OR6K2: variants seen among roughly 807,000 people sequenced by gnomAD.
OR6K2 encodes olfactory receptor 6K2.
For synonymous variants in OR6K2, 139 were observed against 143.8 expected (o/e 0.97, Z 0.24); for missense variants, 450 against 402.5 (o/e 1.12, Z -1.01).
Position 158,699,946 on chromosome 1 carries a change from C to T in OR6K2, c.707G>A (p.Arg236His), listed in dbSNP as rs532035184. ...ILRIHSAGGRRTAFSTCVSHF... is the reference protein window; with the variant it reads ...ILRIHSAGGRHTAFSTCVSHF... ...AGAGACACACGTGGAAAATGCTGTGCGGCGGCCTCCAGCTGAATGAATACG... is the reference window on the plus strand; with the variant it reads ...AGAGACACACGTGGAAAATGCTGTGTGGCGGCCTCCAGCTGAATGAATACG... Residue 236 changes from arginine to histidine, a missense_variant, in exon 1 of 1, where the codon CGC becomes CAC. Transcript: ENST00000359610. 37 of 1,613,960 alleles carry T rather than the reference C, an allele frequency of 2.3e-5. No homozygotes were observed. Among genetic ancestry groups the T allele is most frequent in the Middle Eastern group, 1.6e-4 (1 of 6,084 alleles).
chr1:158,699,843 G>C lies in OR6K2; in HGVS notation c.810C>G (p.Phe270Leu). The change falls in exon 1 of 1, where the codon TTC becomes TTG. Residue 270 changes from phenylalanine (F) to leucine (L), a missense_variant. Coordinates refer to ENST00000359610, the MANE Select transcript of OR6K2 (RefSeq NM_001005279.3). ...AGGCCAGAGCAATGGCTATATCCCA[G>C]AACAAAGAGTAGGTGGCAGAGAAGC... is the stretch of plus-strand genomic sequence containing the variant. ...YLRFSATYSL[F>L]WDIAIALAFA... is the part of the protein sequence containing the mutation. 6.2e-7 allele frequency: 1 copy of C among 1,614,134 alleles called. No individual in the cohort carries two copies. The highest frequency in any genetic ancestry group is 8.5e-7 in the Non-Finnish European group (1 of 1,180,022).
In OR6K2 at chr1:158,700,206, A is replaced by G; in HGVS notation, c.447T>C (p.Val149=). 6.2e-7 allele frequency: 1 copy of G among 1,614,040 alleles called. No individual in the cohort carries two copies. The highest frequency in any genetic ancestry group is 8.5e-7 in the Non-Finnish European group (1 of 1,179,970). The change falls in exon 1 of 1, where the codon GTT becomes GTC. Residue 149 remains valine (V), a synonymous_variant. Transcript: ENST00000359610. ...LCTQLTLSCC[V]CGFITPLPEI... ...CAGGAAGGGGTGTGATAAAGCCACA[A>G]ACACAGCAACTTAAAGTCAGTTGGG...
At position 158,700,137 on chromosome 1, in the gene OR6K2, G is replaced by T. The variant is rs182757577; in HGVS notation, c.516C>A (p.His172Gln). The T allele has an allele frequency of 1.2e-6, 2 of 1,614,126 alleles. No individual in the cohort carries two copies. Among genetic ancestry groups the T allele is most frequent in the East Asian group, 4.5e-5 (2 of 44,890 alleles). The change falls in exon 1 of 1, where the codon CAC becomes CAA. Residue 172 changes from histidine to glutamine, a missense_variant. His to Gln is a conservative substitution (Grantham distance 24). Transcript: ENST00000359610. The part of the protein sequence containing the change: ...ISTLPFCGSN[H>Q]LEHIFCDFLP... ...GGAAGTCACAGAAGATATGTTCAAGGTGATTCGAACCACAAAATGGCAGTG... is the reference window on the plus strand; with the variant it reads ...GGAAGTCACAGAAGATATGTTCAAGTTGATTCGAACCACAAAATGGCAGTG...
Position 158,700,489 on chromosome 1 carries a change from A to T in OR6K2, c.164T>A (p.Leu55His). The part of the protein sequence containing the change: ...IITVVQLNTH[L>H]HTPMYTFISA... ...GATAAAAGTATACATGGGAGTGTGG[A>T]GGTGAGTATTCAACTGGACCACTGT... Residue 55 changes from leucine (L) to histidine (H), a missense_variant, in exon 1 of 1, where the codon CTC (leucine) becomes CAC (histidine). Physicochemically the swap from Leu to His is moderately conservative, Grantham distance 99 (BLOSUM62 -3). Coordinates refer to ENST00000359610, the MANE Select transcript of OR6K2 (RefSeq NM_001005279.3). 6.2e-7 allele frequency: 1 copy of T among 1,614,136 alleles called. No individual in the cohort carries two copies.
chr1:158,699,755 C>A lies in OR6K2; in HGVS notation c.898G>T (p.Glu300Ter), dbSNP rs1366231424. ...IYSLRNKEIK[E>*]AIKKHIGQAK... The stretch of plus-strand genomic sequence containing the variant: ...TGACCTATGTGCTTTTTTATAGCTT[C>A]TTTTATTTCTTTATTCCTCAGGCTA... The change falls in exon 1 of 1, where the codon GAA becomes TAA. Residue 300 changes from glutamate to a stop codon, truncating the protein, a stop_gained. Transcript: ENST00000359610. LOFTEE classifies it low-confidence loss of function (END_TRUNC). The A allele has an allele frequency of 1.2e-6, 2 of 1,613,692 alleles. No individual in the cohort carries two copies. Among genetic ancestry groups the A allele is most frequent in the Non-Finnish European group, 1.7e-6 (2 of 1,179,854 alleles).
At position 158,699,838 on chromosome 1, in the gene OR6K2, T is replaced by C; in HGVS notation, c.815A>G (p.Asp272Gly). 6.2e-7 allele frequency: 1 copy of C among 1,614,126 alleles called. No homozygotes were observed. Among genetic ancestry groups the C allele is most frequent in the Non-Finnish European group, 8.5e-7 (1 of 1,180,026 alleles). Residue 272 changes from aspartate to glycine, a missense_variant, in exon 1 of 1, where the codon GAT (aspartate) becomes GGT (glycine). Asp to Gly is a moderately conservative substitution (Grantham distance 94). Coordinates refer to ENST00000359610, the MANE Select transcript of OR6K2 (RefSeq NM_001005279.3). ...RFSATYSLFW[D>G]IAIALAFAVL... ...TGCAAAGGCCAGAGCAATGGCTATA[T>C]CCCAGAACAAAGAGTAGGTGGCAGA...
Position 158,700,328 on chromosome 1 carries a change from A to T in OR6K2, c.325T>A (p.Cys109Ser), listed in dbSNP as rs568479215. The T allele has an allele frequency of 3.7e-6, 6 of 1,614,094 alleles. No homozygotes were observed. The African/African-American group carries it at 6.7e-5, about 18-fold the overall frequency. The change falls in exon 1 of 1, where the codon TGT becomes AGT. Residue 109 changes from cysteine to serine, a missense_variant. Coordinates refer to ENST00000359610, the MANE Select transcript of OR6K2 (RefSeq NM_001005279.3). ...ATAACTGTCAAGAGACACACCTCAC[A>T]GATGCCGGTGGAATGGAAGAAATAC... ...QMYFFHSTGI[C>S]EVCLLTVMAF...
chr1:158,700,528 T>C lies in OR6K2; in HGVS notation c.125A>G (p.Asn42Ser), dbSNP rs915310090. The change falls in exon 1 of 1, where the codon AAC (asparagine) becomes AGC (serine). Residue 42 changes from asparagine (N) to serine (S), a missense_variant. Physicochemically the swap from Asn to Ser is conservative, Grantham distance 46. Coordinates refer to ENST00000359610, the MANE Select transcript of OR6K2 (RefSeq NM_001005279.3). ...LFIYAFIVVG[N>S]LVIITVVQLN... ...CTGGACCACTGTGATGATGACCAGG[T>C]TTCCAACAACAATGAAAGCATAGAT... 6.2e-7 allele frequency: 1 copy of C among 1,613,906 alleles called. No individual in the cohort carries two copies. Among genetic ancestry groups the C allele is most frequent in the African/African-American group, 1.3e-5 (1 of 74,866 alleles).
In OR6K2 at chr1:158,700,051, T is replaced by A. The variant is rs1477427045; in HGVS notation, c.602A>T (p.Asp201Val). ...AATAATCTCCACTGCATGAATGACA[T>A]CCACTACCTGAATCATGACGATGGC... is the stretch of plus-strand genomic sequence containing the variant. ...TRAIVMIQVV[D>V]VIHAVEIITA... The change falls in exon 1 of 1, where the codon GAT (aspartate) becomes GTT (valine). Residue 201 changes from aspartate (D) to valine (V), a missense_variant. Asp to Val is a radical substitution (Grantham distance 152, BLOSUM62 -3). Coordinates refer to ENST00000359610, the MANE Select transcript of OR6K2 (RefSeq NM_001005279.3). 1 of 1,614,102 alleles carries A rather than the reference T, an allele frequency of 6.2e-7. No individual in the cohort carries two copies. Among genetic ancestry groups the A allele is most frequent in the South Asian group, 1.1e-5 (1 of 91,084 alleles).
rs779617918 is a variant in OR6K2 at position 158,700,588 on chromosome 1, A to G, written c.65T>C (p.Val22Ala). The change falls in exon 1 of 1, where the codon GTT becomes GCT. Residue 22 changes from valine (V) to alanine (A), a missense_variant. Physicochemically the swap from Val to Ala is moderately conservative, Grantham distance 64 (BLOSUM62 0). Transcript: ENST00000359610. ...FIFSAFPYSW[V>A]KSVVCFVPLL... ...TGGAACAAAGCAGACAACAGACTTA[A>G]CCCAGGAATAAGGGAAAGCGGAGAA... 5 of 1,614,038 alleles carry G rather than the reference A, an allele frequency of 3.1e-6. No homozygotes were observed. In the East Asian group the frequency reaches 1.1e-4, roughly 36 times the overall value.
In OR6K2 at chr1:158,699,841, C is replaced by T. The variant is rs758606097; in HGVS notation, c.812G>A (p.Trp271Ter). 19 of 1,613,942 alleles carry T rather than the reference C, an allele frequency of 1.2e-5. No homozygotes were observed. Among genetic ancestry groups the T allele is most frequent in the Non-Finnish European group, 1.0e-5 (12 of 1,180,024 alleles). ...LRFSATYSLF[W>*]DIAIALAFAV... is the part of the protein sequence containing the mutation. ...AAAGGCCAGAGCAATGGCTATATCC[C>T]AGAACAAAGAGTAGGTGGCAGAGAA... is the stretch of plus-strand genomic sequence containing the variant. Residue 271 changes from tryptophan to a stop codon, truncating the protein, a stop_gained, in exon 1 of 1, where the codon TGG (tryptophan) becomes TAG (stop). Transcript: ENST00000359610. LOFTEE classifies it low-confidence loss of function (END_TRUNC).
Position 158,699,814 on chromosome 1 carries a change from G to T in OR6K2, c.839C>A (p.Ala280Glu), listed in dbSNP as rs1282255067. ...GGGGTTGAAGAAGGGAGACAAAACT[G>T]CAAAGGCCAGAGCAATGGCTATATC... ...FWDIAIALAF[A>E]VLSPFFNPII... Residue 280 changes from alanine (A) to glutamate (E), a missense_variant, in exon 1 of 1, where the codon GCA (alanine) becomes GAA (glutamate). Physicochemically the swap from Ala to Glu is moderately radical, Grantham distance 107. Transcript: ENST00000359610. 7 of 1,614,116 alleles carry T rather than the reference G, an allele frequency of 4.3e-6. No individual in the cohort carries two copies. The highest frequency in any genetic ancestry group is 5.9e-6 in the Non-Finnish European group (7 of 1,180,014).
Position 158,699,763 on chromosome 1 carries a change from T to A in OR6K2, c.890A>T (p.Glu297Val). ...GTGCTTTTTTATAGCTTCTTTTATT[T>A]CTTTATTCCTCAGGCTATAGATAAT... ...NPIIYSLRNK[E>V]IKEAIKKHIG... is the part of the protein sequence containing the mutation. The change falls in exon 1 of 1, where the codon GAA becomes GTA. Residue 297 changes from glutamate (E) to valine (V), a missense_variant. By Grantham distance (121) the Glu-to-Val change is moderately radical (BLOSUM62 -2). Transcript: ENST00000359610. 6.2e-7 allele frequency: 1 copy of A among 1,614,066 alleles called. No homozygotes were observed. Among genetic ancestry groups the A allele is most frequent in the Non-Finnish European group, 8.5e-7 (1 of 1,179,926 alleles).
rs767303841 is a variant in OR6K2, at chr1:158,699,820, G to T, written c.833C>A (p.Ala278Asp). 41 of 1,613,964 alleles carry T rather than the reference G, an allele frequency of 2.5e-5. No individual in the cohort carries two copies. The highest frequency in any genetic ancestry group is 2.1e-4 in the African/African-American group (16 of 74,886). ...SLFWDIAIAL[A>D]FAVLSPFFNP... ...GAAGAAGGGAGACAAAACTGCAAAG[G>T]CCAGAGCAATGGCTATATCCCAGAA... The change falls in exon 1 of 1, where the codon GCC (alanine) becomes GAC (aspartate). Residue 278 changes from alanine to aspartate, a missense_variant. Physicochemically the swap from Ala to Asp is moderately radical, Grantham distance 126. Transcript: ENST00000359610.
rs1655745761 is a variant in OR6K2 at position 158,699,894 on chromosome 1, AAAG to A, written c.756_758del (p.Phe253del). On this transcript the variant is annotated inframe_deletion, in exon 1 of 1. Transcript: ENST00000359610. ...GTAGGTACATGAGAGTCACACTGCC[AAAG>A]AAGAGCGAAAAGACAATGAAGTGAG... 6.2e-7 allele frequency: 1 copy of A among 1,613,974 alleles called. No individual in the cohort carries two copies. Among genetic ancestry groups the A allele is most frequent in the Admixed American group, 1.7e-5 (1 of 60,002 alleles).
At position 158,700,094 on chromosome 1, in the gene OR6K2, C is replaced by T. The variant is rs754285095; in HGVS notation, c.559G>A (p.Ala187Thr). 1.1e-5 allele frequency: 18 copies of T among 1,614,090 alleles called. No homozygotes were observed. The highest frequency in any genetic ancestry group is 1.3e-5 in the Non-Finnish European group (15 of 1,179,982). Residue 187 changes from alanine to threonine, a missense_variant, in exon 1 of 1, where the codon GCC becomes ACC. By Grantham distance (58) the Ala-to-Thr change is moderately conservative (BLOSUM62 0). Transcript: ENST00000359610. ...FCDFLPVLRL[A>T]CTDTRAIVMI... Reference sequence around the variant, plus strand: ...ACGATGGCTCGTGTGTCTGTGCAGGCCAGACGCAGCACTGGGAGGAAGTCA... The same window carrying T: ...ACGATGGCTCGTGTGTCTGTGCAGGTCAGACGCAGCACTGGGAGGAAGTCA...
rs770596674 is a variant in OR6K2, at chr1:158,699,966, A to G, written c.687T>C (p.Ile229=). ...CTGTGCGGCGGCCTCCAGCTGAATG[A>G]ATACGTAGAATTACAGCCACAATAC... ...YDGIVAVILR[I]HSAGGRRTAF... Residue 229 remains isoleucine (I), a synonymous_variant, in exon 1 of 1, where the codon ATT becomes ATC. Transcript: ENST00000359610. The G allele has an allele frequency of 2.5e-6, 4 of 1,614,032 alleles. No homozygotes were observed. In the African/African-American group the frequency reaches 4.0e-5, roughly 16 times the overall value.
chr1:158,700,494 A>G lies in OR6K2; in HGVS notation c.159T>C (p.Thr53=). The change falls in exon 1 of 1, where the codon ACT becomes ACC. Residue 53 remains threonine, a synonymous_variant. Coordinates refer to ENST00000359610, the MANE Select transcript of OR6K2 (RefSeq NM_001005279.3). Reference sequence around the variant, plus strand: ...AAGTATACATGGGAGTGTGGAGGTGAGTATTCAACTGGACCACTGTGATGA... The same window carrying G: ...AAGTATACATGGGAGTGTGGAGGTGGGTATTCAACTGGACCACTGTGATGA... ...LVIITVVQLN[T]HLHTPMYTFI... 6.2e-7 allele frequency: 1 copy of G among 1,614,160 alleles called. No individual in the cohort carries two copies.
chr1:158,699,704 G>T lies in OR6K2; in HGVS notation c.949C>A (p.Pro317Thr). ...GQAKIFFSVR[P>T]GTSSKIF is the part of the protein sequence containing the mutation. ...TAAAATATCTTACTTGAGGTCCCTG[G>T]TCTTACGGAAAAAAATATCTTAGCT... Residue 317 changes from proline to threonine, a missense_variant, in exon 1 of 1, where the codon CCA becomes ACA. Coordinates refer to ENST00000359610, the MANE Select transcript of OR6K2 (RefSeq NM_001005279.3). 1 of 1,611,638 alleles carries T rather than the reference G, an allele frequency of 6.2e-7. No individual in the cohort carries two copies. Among genetic ancestry groups the T allele is most frequent in the Non-Finnish European group, 8.5e-7 (1 of 1,179,378 alleles).
Sources: allele counts gnomAD v4.1 joint callset, GRCh38; gene constraint gnomAD v4.1.1; transcripts MANE v1.5; gene names NCBI Gene and HGNC (gene_info 2026-07-23, HGNC 2026-07-21).